Variants in RELN observed in about 807,000 individuals in gnomAD.
RELN encodes reelin.
Under a neutral mutation model 427.6 loss-of-function variants are expected in RELN, and 108 were observed. The observed-to-expected ratio is 0.25, with a 90% CI of 0.22 to 0.30. RELN has a LOEUF of 0.30. RELN is among the 10% of genes least tolerant of loss of function. The pLI is 1.00. For missense variants in RELN, 3,715 were observed against 4,302.8 expected, an observed-to-expected ratio of 0.86 and a Z score of 3.82; for synonymous variants, 1,524 against 1,513.4, an observed-to-expected ratio of 1.01 and a Z score of -0.16.
chr7:103,517,739 A>C (rs1277723863), intron 49 of RELN, among the ~76,000 whole-genome samples: 1 of 152,196 alleles, frequency 6.6e-6, no homozygotes, highest in African/African-American at 2.4e-5. Context: ...TGCAAGTGGA[A>C]GATTTAAAAG....
chr7:103,540,591 A>G, intron 43 of RELN, 136 bp from the exon 44 acceptor site: 1 of 760,512 alleles, frequency 1.3e-6, no homozygotes, highest in Non-Finnish European at 2.2e-6. Flanking sequence ...TGTCCAAAGC[A>G]ATCACTTCAA....
intron 6 of RELN, among the ~76,000 whole-genome samples, chr7:103,740,781 C>T (rs1178156412): frequency 6.6e-6 from 1 of 152,200 alleles, no homozygotes. Flanking sequence ...ATTGTACAGA[C>T]ATAACTAGTT....
chr7:103,952,511 A>G (rs1030772034), intron 1 of RELN, among the ~76,000 whole-genome samples: 3 of 143,802 alleles, frequency 2.1e-5, no homozygotes, highest in Non-Finnish European at 3.0e-5. Context: ...CCTTGCTTTA[A>G]ACCTTAAACA....
chr7:103,523,292 G>A, intron 47 of RELN, 99 bp downstream of exon 47: 1 of 1,337,622 alleles, frequency 7.5e-7, no homozygotes, highest in Non-Finnish European at 1.1e-6. Context: ...TATAACTTAA[G>A]GAAGCATGGG....
intron 11 of RELN, among the ~76,000 whole-genome samples, chr7:103,674,253 T>A (rs1833460636): frequency 6.6e-6 from 1 of 152,234 alleles, no homozygotes; most frequent in Admixed American, 6.5e-5. Flanking sequence ...TTCTTCCTCA[T>A]AAAATTTGTT....
At chr7:103,481,373 A>G (rs1242207930) in intron 63 of RELN, among the ~76,000 whole-genome samples, 1 of 152,210 alleles carries the variant, frequency 6.6e-6, no homozygotes, top group East Asian at 1.9e-4. Flanking sequence ...AAGTTTCCAC[A>G]GGAGTTTGGT....
intron 2 of RELN, among the ~76,000 whole-genome samples, chr7:103,898,358 A>G (rs960825142): frequency 2.0e-5 from 3 of 152,014 alleles, no homozygotes; most frequent in African/African-American, 7.2e-5. Context: ...TTTCCCTATT[A>G]TTGGGCATTT....
At chr7:103,560,008 G>C (rs1278491123) in intron 36 of RELN, among the ~76,000 whole-genome samples, 1 of 152,170 alleles carries the variant, frequency 6.6e-6, no homozygotes, top group Non-Finnish European at 1.5e-5. Context: ...CAATTTTATT[G>C]AAAGTGAGCA....
intron 3 of RELN, among the ~76,000 whole-genome samples, chr7:103,787,602 T>G (rs1792050669): frequency 6.6e-6 from 1 of 152,202 alleles, no homozygotes; most frequent in African/African-American, 2.4e-5. Flanking sequence ...GATAAATTCC[T>G]AGACACATAC....
At chr7:103,502,826 C>T (rs909761493) in intron 52 of RELN, among the ~76,000 whole-genome samples, 190 bp downstream of exon 52, 1 of 152,164 alleles carries the variant, frequency 6.6e-6, no homozygotes, top group Non-Finnish European at 1.5e-5. Context: ...CTGAGGATTA[C>T]AAATTGAGGT....
At chr7:103,686,087 C>A (rs956893753) in intron 10 of RELN, among the ~76,000 whole-genome samples, 1 of 152,172 alleles carries the variant, frequency 6.6e-6, no homozygotes, top group East Asian at 1.9e-4. Context: ...CCTGATGATT[C>A]TTTCAGGCAT....
At chr7:103,592,428 C>T (rs550947601) in intron 27 of RELN, among the ~76,000 whole-genome samples, 1 of 152,154 alleles carries the variant, frequency 6.6e-6, no homozygotes, top group African/African-American at 2.4e-5. Flanking sequence ...TTTCTTTATC[C>T]AGTCTACCAC....
chr7:103,475,142 G>A (rs903296146), intron 64 of RELN, among the ~76,000 whole-genome samples: 3 of 152,028 alleles, frequency 2.0e-5, no homozygotes, highest in Non-Finnish European at 4.4e-5. Flanking sequence ...TCATTGGCCA[G>A]CTGTCAACAT....
chr7:103,842,310 T>C (rs1025984227), intron 2 of RELN, among the ~76,000 whole-genome samples: 1 of 151,958 alleles, frequency 6.6e-6, no homozygotes, highest in Non-Finnish European at 1.5e-5. Flanking sequence ...AAAGTTAGTG[T>C]TATATTGTAA....
chr7:103,505,855 G>A (rs1345535081), intron 51 of RELN, among the ~76,000 whole-genome samples: 1 of 152,214 alleles, frequency 6.6e-6, no homozygotes, highest in Non-Finnish European at 1.5e-5. Context: ...AAAGGTTAGA[G>A]GGACTGCTAA....
In RELN at chr7:103,487,299, A is replaced by C. The variant is rs565667170; in HGVS notation, c.9764-883T>G. Among the ~76,000 whole-genome samples the C allele has an allele frequency of 2.0e-5, 3 of 152,160 alleles. No individual in the cohort carries two copies. The South Asian group carries it at 6.2e-4, about 32-fold the overall frequency. On this transcript the variant is annotated intron_variant, in intron 60 of 64. Transcript: ENST00000428762. Reference sequence around the variant, plus strand: ...AGGAATAGCATTAGGAGAAATACCTAATGTAGATGATGGATTGATGGGTGC... The same window carrying C: ...AGGAATAGCATTAGGAGAAATACCTCATGTAGATGATGGATTGATGGGTGC...
intron 2 of RELN, among the ~76,000 whole-genome samples, chr7:103,835,035 G>A (rs895563283): frequency 1.3e-5 from 2 of 152,204 alleles, no homozygotes; most frequent in Non-Finnish European, 2.9e-5. Context: ...ATTGCCAAAA[G>A]TTGGAAGCAA....
intron 1 of RELN, among the ~76,000 whole-genome samples, chr7:103,962,239 A>T (rs1022782626): frequency 6.6e-6 from 1 of 152,122 alleles, no homozygotes; most frequent in Non-Finnish European, 1.5e-5. Context: ...ATTACTAAGC[A>T]GCACAGCCAC....
Position 103,964,465 on chromosome 7 carries a change from A to G in RELN, c.226+24666T>C, listed in dbSNP as rs147397496. ...TTCCAGCTAGCACCAACCACCACCA[A>G]TGGATGATGTCACCTAGAGCAATAA... On this transcript the variant is annotated intron_variant, in intron 1 of 64. Coordinates refer to ENST00000428762, the MANE Select transcript of RELN (RefSeq NM_005045.4). 5.8e-3 allele frequency among the ~76,000 whole-genome samples: 881 copies of G among 152,248 alleles called. 8 individuals carry two copies. Among genetic ancestry groups the G allele is most frequent in the African/African-American group, 0.02 (834 of 41,548 alleles).
Sources: gnomAD v4.1 joint callset for allele counts (sites outside exome capture counted in the v4.1 genomes callset) on GRCh38, gnomAD v4.1.1 for gene constraint, MANE v1.5 for transcripts, NCBI Gene and HGNC (gene_info 2026-07-23, HGNC 2026-07-21) for gene names.